LRRC8C: variants seen among roughly 807,000 people sequenced by gnomAD.
LRRC8C encodes volume-regulated anion channel subunit LRRC8C.
LRRC8C carries 20 observed loss-of-function variants against 55.3 expected under a neutral mutation model. The ratio of observed to expected loss-of-function variants is 0.36; its 90% CI spans 0.25 to 0.53. LRRC8C has a LOEUF of 0.53. Ranked by LOEUF, LRRC8C falls within the 20% of genes least tolerant of loss-of-function variation. The pLI is 0.92. For synonymous variants in LRRC8C, 376 were observed against 360.7 expected (o/e 1.04, Z -0.48); for missense variants, 659 against 951.4 (o/e 0.69, Z 4.04).
rs1217264288 is a variant in LRRC8C, at chr1:89,713,242, A to G, written c.672A>G (p.Lys224=). The G allele has an allele frequency of 1.2e-6, 2 of 1,614,080 alleles. No individual in the cohort carries two copies. The highest frequency in any genetic ancestry group is 1.7e-6 in the Non-Finnish European group (2 of 1,180,028). Residue 224 remains lysine, a synonymous_variant, in exon 3 of 3, where the codon AAA becomes AAG. Transcript: ENST00000370454. The surrounding 1 kb of genome is among the most constrained non-coding windows in gnomAD (Gnocchi z 5.2). The part of the protein sequence containing the change: ...KSIPEKFVVD[K]STAGALDKKE... ...TTCCTGAGAAGTTTGTAGTTGATAAATCCACTGCAGGGGCTCTGGATAAAA... is the reference window on the plus strand; with the variant it reads ...TTCCTGAGAAGTTTGTAGTTGATAAGTCCACTGCAGGGGCTCTGGATAAAA...
At chr1:89,616,371 G>A in the LRRC8C span, among the ~76,000 whole-genome samples, 1 of 152,162 alleles carries the variant, frequency 6.6e-6, no homozygotes, top group Admixed American at 6.5e-5. Context: ...AGGGGCGTGG[G>A]AACAGCATTC....
At chr1:89,662,695 A>G (rs1211161251) in intron 1 of LRRC8C, among the ~76,000 whole-genome samples, 1 of 152,200 alleles carries the variant, frequency 6.6e-6, no homozygotes, top group Non-Finnish European at 1.5e-5. Context: ...ATAGAGCCCT[A>G]AACTCCAGTA....
At chr1:89,680,251 G>A (rs1197197488) in intron 1 of LRRC8C, among the ~76,000 whole-genome samples, 1 of 151,894 alleles carries the variant, frequency 6.6e-6, no homozygotes, top group African/African-American at 2.4e-5. Flanking sequence ...CTAATTTTTT[G>A]TATTTTTAGT....
chr1:89,670,349 C>G (rs1245141515), intron 1 of LRRC8C, among the ~76,000 whole-genome samples: 1 of 152,128 alleles, frequency 6.6e-6, no homozygotes, highest in Non-Finnish European at 1.5e-5. Context: ...ACCAGGGCAA[C>G]CCAAATAATT....
chr1:89,713,833 T>C lies in LRRC8C; in HGVS notation c.1263T>C (p.Asn421=), dbSNP rs1189328384. 1 of 1,614,058 alleles carries C rather than the reference T, an allele frequency of 6.2e-7. No homozygotes were observed. The highest frequency in any genetic ancestry group is 8.5e-7 in the Non-Finnish European group (1 of 1,180,034). Residue 421 remains asparagine, a synonymous_variant, in exon 3 of 3, where the codon AAT becomes AAC. Transcript: ENST00000370454. This position sits in a 1 kb window ranked among gnomAD's most constrained non-coding sequence, Gnocchi z 5.2. Reference sequence around the variant, plus strand: ...AACTGAGGCAGAAGCTACAGACAAATGCCCATAATCGACTGGAATTGCCTC... The same window carrying C: ...AACTGAGGCAGAAGCTACAGACAAACGCCCATAATCGACTGGAATTGCCTC... ...PDKLRQKLQT[N]AHNRLELPLI... is the part of the protein sequence containing the mutation.
At chr1:89,649,555 T>C (rs1021807491) in intron 1 of LRRC8C, among the ~76,000 whole-genome samples, 3 of 152,198 alleles carry the variant, frequency 2.0e-5, no homozygotes, top group Non-Finnish European at 4.4e-5. Context: ...TAGATATAAA[T>C]AACTGCTATT....
chr1:89,690,954 T>C (rs1357709341), intron 2 of LRRC8C, among the ~76,000 whole-genome samples: 1 of 152,184 alleles, frequency 6.6e-6, no homozygotes, highest in Non-Finnish European at 1.5e-5. Context: ...AGAAGTGTTG[T>C]CTGAGATGAC....
chr1:89,694,953 T>C (rs1342202988), intron 2 of LRRC8C, among the ~76,000 whole-genome samples: 1 of 148,128 alleles, frequency 6.8e-6, no homozygotes, highest in Non-Finnish European at 1.5e-5. Flanking sequence ...ATACAGAGTC[T>C]CACTGTCGCC....
chr1:89,667,776 A>G (rs1317846405), intron 1 of LRRC8C, among the ~76,000 whole-genome samples: 1 of 152,150 alleles, frequency 6.6e-6, no homozygotes, highest in Non-Finnish European at 1.5e-5. Context: ...TTAGTTGGCA[A>G]AACTCAAGCT....
the LRRC8C span, among the ~76,000 whole-genome samples, chr1:89,622,872 A>G: frequency 6.6e-6 from 1 of 152,228 alleles, no homozygotes; most frequent in African/African-American, 2.4e-5. Flanking sequence ...ATATATTATT[A>G]TAGAAGGTAT....
At chr1:89,662,178 A>G (rs1468235339) in intron 1 of LRRC8C, among the ~76,000 whole-genome samples, 1 of 152,188 alleles carries the variant, frequency 6.6e-6, no homozygotes, top group Non-Finnish European at 1.5e-5. Context: ...AAATCTCATA[A>G]TGTTTTAGGA....
intron 1 of LRRC8C, among the ~76,000 whole-genome samples, chr1:89,659,657 A>G (rs1657059923): frequency 6.6e-6 from 1 of 152,210 alleles, no homozygotes; most frequent in Admixed American, 6.5e-5. Context: ...TAAAACTGTC[A>G]ATAAAATGGT....
intron 1 of LRRC8C, among the ~76,000 whole-genome samples, chr1:89,675,182 C>T (rs1014811129): frequency 2.0e-5 from 3 of 151,956 alleles, no homozygotes; most frequent in Non-Finnish European, 4.4e-5. Flanking sequence ...AAGAGTTCAA[C>T]TCAAAAAAAC....
At chr1:89,647,988 G>C (rs1418266241) in intron 1 of LRRC8C, among the ~76,000 whole-genome samples, 1 of 152,194 alleles carries the variant, frequency 6.6e-6, no homozygotes, top group East Asian at 1.9e-4. Flanking sequence ...AGGATGGCTT[G>C]AGCCCAGGAG....
At position 89,682,589 on chromosome 1, in the gene LRRC8C, G is replaced by A. The variant is rs1285585847; in HGVS notation, c.-4-3881G>A. On this transcript the variant is annotated intron_variant, in intron 1 of 2. Transcript: ENST00000370454. ...ATGTTTTTTGCCTATTTCACTGATG[G>A]TGCAAAAACCATGGTTAGTAAGGCA... is the stretch of plus-strand genomic sequence containing the variant. 3.9e-5 allele frequency among the ~76,000 whole-genome samples: 6 copies of A among 152,234 alleles called. 1 individual carries two copies. In the South Asian group the frequency reaches 1.2e-3, roughly 32 times the overall value.
intron 1 of LRRC8C, among the ~76,000 whole-genome samples, chr1:89,677,424 T>A (rs1657582075): frequency 6.6e-6 from 1 of 152,238 alleles, no homozygotes; most frequent in Admixed American, 6.5e-5. Context: ...TTAATGTTCG[T>A]TTATTTTTTC....
chr1:89,647,955 G>T (rs898910233), intron 1 of LRRC8C, among the ~76,000 whole-genome samples: 3 of 152,184 alleles, frequency 2.0e-5, no homozygotes, highest in African/African-American at 7.2e-5. Flanking sequence ...TATGGTTCCA[G>T]CTACTCTGGA....
At chr1:89,708,753 G>A (rs1393965477) in intron 2 of LRRC8C, 1 of 152,072 alleles carries the variant, frequency 6.6e-6, no homozygotes, top group African/African-American at 2.4e-5. Flanking sequence ...TATAGCTATT[G>A]CACTGTTTAA....
At chr1:89,667,052 G>A (rs1657287073) in intron 1 of LRRC8C, among the ~76,000 whole-genome samples, 1 of 152,212 alleles carries the variant, frequency 6.6e-6, no homozygotes, top group South Asian at 2.1e-4. Flanking sequence ...AGCCAGAAAA[G>A]GTGTCTCCAA....
Sources: allele counts gnomAD v4.1 joint callset (sites outside exome capture counted in the v4.1 genomes callset), GRCh38; gene constraint gnomAD v4.1.1; non-coding constraint Gnocchi (gnomAD v3.1); transcripts MANE v1.5; gene names NCBI Gene and HGNC (gene_info 2026-07-23, HGNC 2026-07-21).